Variants in RANBP2 observed in about 807,000 individuals in gnomAD.
The protein encoded by RANBP2 is RAN binding protein 2, also known as E3 SUMO-protein ligase RanBP2.
In RANBP2, 57 loss-of-function variants were observed where a neutral mutation model predicts 303.6. The ratio of observed to expected loss-of-function variants is 0.19; its 90% CI spans 0.15 to 0.23. The LOEUF (loss-of-function observed/expected upper bound fraction) is 0.23. Among genes scored for constraint, RANBP2 ranks in the 10% least tolerant of loss-of-function variants. The probability of loss-of-function intolerance (pLI) is 1.00; values close to 1 mark genes in which losing one functional copy is unlikely to be tolerated. For synonymous variants in RANBP2, 1,167 were observed against 1,301.5 expected (o/e 0.90, Z 2.23); for missense variants, 3,138 against 3,780.8 (o/e 0.83, Z 4.46).
the RANBP2 span, among the ~76,000 whole-genome samples, chr2:109,076,545 A>T: frequency 3.3e-5 from 5 of 150,672 alleles, no homozygotes; most frequent in African/African-American, 1.2e-4. Context: ...TGATAAGTTT[A>T]GTAAATTTTT....
the RANBP2 span, among the ~76,000 whole-genome samples, chr2:109,561,861 T>C: frequency 6.6e-6 from 1 of 152,134 alleles, no homozygotes; most frequent in East Asian, 1.9e-4. Context: ...TCAAATTACA[T>C]ATCCTTAGCC....
the RANBP2 span, among the ~76,000 whole-genome samples, chr2:109,516,823 T>C: frequency 6.6e-6 from 1 of 152,232 alleles, no homozygotes; most frequent in African/African-American, 2.4e-5. Flanking sequence ...CCAAAACTGA[T>C]AGATCAGTTA....
In RANBP2 at chr2:108,730,674, C is replaced by T. The variant is rs183367724; in HGVS notation, c.141-100C>T. The T allele has an allele frequency of 9.2e-4, 1,320 of 1,428,402 alleles. 11 individuals carry two copies. The African/African-American group carries it at 0.016, about 18-fold the overall frequency. 88.5% of individuals were successfully genotyped at this position (1,428,402 alleles called of 1,614,324 possible). A position where few individuals can be genotyped will look rare whatever the true frequency, so the allele number is the denominator to read the frequency against. ...CGGTAGTTTTGAGTAACAATATAAACGAGTTTAGTGGTTGCTTTGGTTTAA... is the reference window on the plus strand; with the variant it reads ...CGGTAGTTTTGAGTAACAATATAAATGAGTTTAGTGGTTGCTTTGGTTTAA... On this transcript the variant is annotated intron_variant, in intron 2 of 28. Coordinates refer to ENST00000283195, the MANE Select transcript of RANBP2 (RefSeq NM_006267.5).
At chr2:108,804,858 T>G in the RANBP2 span, 2 of 1,479,316 alleles carry the variant, frequency 1.4e-6, no homozygotes, top group East Asian at 2.5e-5. Flanking sequence ...CTTACAAGTT[T>G]TAGATGAGAG....
the RANBP2 span, among the ~76,000 whole-genome samples, chr2:108,814,839 T>C: frequency 6.6e-6 from 1 of 151,908 alleles, no homozygotes; most frequent in East Asian, 1.9e-4. Flanking sequence ...TTTCACCATG[T>C]TGGCTAGGCT....
the RANBP2 span, among the ~76,000 whole-genome samples, chr2:109,325,193 G>T: frequency 6.6e-6 from 1 of 152,104 alleles, no homozygotes; most frequent in African/African-American, 2.4e-5. Flanking sequence ...GTGAAGATCA[G>T]TGTCTCACTT....
At chr2:108,748,414 A>G (rs1329824298) in intron 8 of RANBP2, among the ~76,000 whole-genome samples, 10 of 133,408 alleles carry the variant, frequency 7.5e-5, no homozygotes, top group Admixed American at 1.6e-4. Context: ...GTAGAGATGG[A>G]GTTTCACTGT....
the RANBP2 span, among the ~76,000 whole-genome samples, chr2:109,546,999 TC>T: frequency 6.6e-6 from 1 of 152,274 alleles, no homozygotes; most frequent in Non-Finnish European, 1.5e-5. Flanking sequence ...CTCTCTGACC[TC>T]CCTTTAGGCG....
chr2:109,311,778 A>G, the RANBP2 span, among the ~76,000 whole-genome samples: 1 of 132,940 alleles, frequency 7.5e-6, no homozygotes, highest in Non-Finnish European at 1.5e-5. Context: ...AGCAAGTCAT[A>G]TCAAGGCTAC....
the RANBP2 span, among the ~76,000 whole-genome samples, chr2:108,953,434 A>G: frequency 6.6e-6 from 1 of 152,212 alleles, no homozygotes; most frequent in African/African-American, 2.4e-5. Flanking sequence ...TCTCATTAAG[A>G]CATCCTCTCT....
At chr2:109,368,708 T>TAA in the RANBP2 span, among the ~76,000 whole-genome samples, 1,425 of 136,790 alleles carry the variant, frequency 0.01, 20 homozygotes, top group African/African-American at 0.035. Context: ...GTATTTTCTT[T>TAA]AAAAAAAAAA....
the RANBP2 span, among the ~76,000 whole-genome samples, chr2:109,099,335 T>C: frequency 2.6e-5 from 4 of 152,226 alleles, no homozygotes; most frequent in East Asian, 1.9e-4. Context: ...AGAGGCATCC[T>C]GTGCTCAGTC....
At chr2:108,965,881 C>A in the RANBP2 span, among the ~76,000 whole-genome samples, 12 of 152,080 alleles carry the variant, frequency 7.9e-5, no homozygotes, top group African/African-American at 2.9e-4. Context: ...GTGCTCCCCC[C>A]TCTCCCCCCA....
the RANBP2 span, among the ~76,000 whole-genome samples, chr2:109,313,900 GA>G: frequency 1.3e-5 from 1 of 75,536 alleles, no homozygotes; most frequent in African/African-American, 1.2e-4. Flanking sequence ...GGAGATATTT[GA>G]AAGGTGTGTT....
the RANBP2 span, among the ~76,000 whole-genome samples, chr2:109,269,965 C>A: frequency 6.6e-6 from 1 of 152,200 alleles, no homozygotes; most frequent in Non-Finnish European, 1.5e-5. Flanking sequence ...GAATTCCTAG[C>A]TGTACAGAAA....
chr2:109,375,389 C>G, the RANBP2 span, among the ~76,000 whole-genome samples: 1 of 152,226 alleles, frequency 6.6e-6, no homozygotes, highest in African/African-American at 2.4e-5. Flanking sequence ...GCCAGCTGGA[C>G]AGCGCCCCTT....
chr2:109,398,210 C>T, the RANBP2 span, among the ~76,000 whole-genome samples: 13 of 152,200 alleles, frequency 8.5e-5, no homozygotes, highest in Non-Finnish European at 1.2e-4. Context: ...GCATGCAGGG[C>T]CAGCCCACGT....
chr2:108,741,157 A>G (rs1573734264), intron 7 of RANBP2, among the ~76,000 whole-genome samples: 1 of 152,220 alleles, frequency 6.6e-6, no homozygotes, highest in East Asian at 1.9e-4. Flanking sequence ...ATGTAACAGT[A>G]TATCTATTAA....
At chr2:109,086,239 G>T in the RANBP2 span, among the ~76,000 whole-genome samples, 7 of 152,256 alleles carry the variant, frequency 4.6e-5, no homozygotes, top group East Asian at 1.2e-3. Flanking sequence ...GAGCACTCGG[G>T]TGCAGGTACC....
Sources: gnomAD v4.1 joint callset for allele counts (sites outside exome capture counted in the v4.1 genomes callset) on GRCh38, gnomAD v4.1.1 for gene constraint, MANE v1.5 for transcripts, NCBI Gene and HGNC (gene_info 2026-07-23, HGNC 2026-07-21) for gene names.